GNAI1: variants seen among roughly 807,000 people sequenced by gnomAD.
GNAI1 encodes the protein G protein subunit alpha i1.
GNAI1 carries 11 observed loss-of-function variants against 38.9 expected under a neutral mutation model. That is an observed-to-expected ratio of 0.28 (90% CI 0.18 to 0.47). GNAI1 has a LOEUF of 0.47. Ranked by LOEUF, GNAI1 falls within the 20% of genes least tolerant of loss-of-function variation. The probability of loss-of-function intolerance (pLI) is 0.99; values close to 1 mark genes in which losing one functional copy is unlikely to be tolerated. For synonymous variants in GNAI1, 166 were observed against 145.1 expected (o/e 1.14, Z -1.04); for missense variants, 317 against 436.9 (o/e 0.73, Z 2.45).
At position 80,225,709 on chromosome 7, in the gene GNAI1, G is replaced by A. The variant is rs1423110681; in HGVS notation, c.*8216G>A. Among the ~76,000 whole-genome samples, 1 of 152,142 alleles carries A rather than the reference G, an allele frequency of 6.6e-6. No homozygotes were observed. The highest frequency in any genetic ancestry group is 6.5e-5 in the Admixed American group (1 of 15,270). ...TGTTTTTTGATAAAGACAGAAGATT[G>A]CAAATGGTTTGCTCTTTAACAGTCA... On this transcript the variant is annotated 3_prime_UTR_variant, in exon 8 of 8. Transcript: ENST00000649796.
intron 1 of GNAI1, among the ~76,000 whole-genome samples, chr7:80,177,473 A>G (rs965967411): frequency 6.6e-6 from 1 of 152,134 alleles, no homozygotes; most frequent in African/African-American, 2.4e-5. Flanking sequence ...GGAGAGGTAC[A>G]AGGAATTTGT....
At chr7:80,217,229 T>A in intron 7 of GNAI1, 74 bp from the exon 8 acceptor site, 2 of 1,004,986 alleles carry the variant, frequency 2.0e-6, no homozygotes, top group Non-Finnish European at 2.9e-6. Context: ...TTCATATGTA[T>A]GAAACTGAAT....
chr7:80,177,477 A>T (rs748468125), intron 1 of GNAI1, among the ~76,000 whole-genome samples: 46 of 151,994 alleles, frequency 3.0e-4, no homozygotes, highest in Admixed American at 2.0e-3. Flanking sequence ...AGGTACAAGG[A>T]ATTTGTTGTT....
intron 1 of GNAI1, among the ~76,000 whole-genome samples, chr7:80,140,835 G>A (rs1181445592): frequency 6.6e-6 from 1 of 152,158 alleles, no homozygotes; most frequent in Non-Finnish European, 1.5e-5. Flanking sequence ...TTTCCACTGG[G>A]CTAAAGTCAG....
At chr7:80,156,752 A>G (rs1284697876) in intron 1 of GNAI1, among the ~76,000 whole-genome samples, 1 of 152,176 alleles carries the variant, frequency 6.6e-6, no homozygotes, top group East Asian at 1.9e-4. Flanking sequence ...GCTTTTGAGC[A>G]TTGAAATGAA....
At chr7:80,163,551 T>C (rs1314334669) in intron 1 of GNAI1, among the ~76,000 whole-genome samples, 1 of 152,206 alleles carries the variant, frequency 6.6e-6, no homozygotes, top group African/African-American at 2.4e-5. Flanking sequence ...ACTGAGCATT[T>C]TGAGTCCAAG....
At chr7:80,203,854 G>T in intron 5 of GNAI1, 22 bp downstream of exon 5, 2 of 1,366,500 alleles carry the variant, frequency 1.5e-6, no homozygotes, top group South Asian at 1.3e-5. Flanking sequence ...TGAAATATAT[G>T]ATTTCTAAAT....
chr7:80,212,109 G>A (rs1186608576), intron 6 of GNAI1, among the ~76,000 whole-genome samples: 2 of 152,066 alleles, frequency 1.3e-5, no homozygotes, highest in Admixed American at 6.6e-5. Context: ...AGAGACGATT[G>A]TATTTTTAAA....
chr7:80,164,293 G>A (rs1292588147), intron 1 of GNAI1, among the ~76,000 whole-genome samples: 4 of 148,522 alleles, frequency 2.7e-5, no homozygotes, highest in Non-Finnish European at 4.5e-5. Flanking sequence ...CTGCCACCTC[G>A]GCCTCCCAAA....
chr7:80,208,716 T>A (rs1788821843), intron 5 of GNAI1, among the ~76,000 whole-genome samples: 1 of 152,176 alleles, frequency 6.6e-6, no homozygotes. Context: ...ATTCCTCAGT[T>A]TATCTCTTCC....
At chr7:80,205,141 A>G (rs1788751260) in intron 5 of GNAI1, among the ~76,000 whole-genome samples, 1 of 152,184 alleles carries the variant, frequency 6.6e-6, no homozygotes, top group Non-Finnish European at 1.5e-5. Context: ...GTCTGAAGTC[A>G]ATGACTAATT....
chr7:80,219,575 A>G lies in GNAI1; in HGVS notation c.*2082A>G, dbSNP rs1365235855. 6.6e-6 allele frequency among the ~76,000 whole-genome samples: 1 copy of G among 152,124 alleles called. No homozygotes were observed. Among genetic ancestry groups the G allele is most frequent in the African/African-American group, 2.4e-5 (1 of 41,438 alleles). ...CCACATTTGGAATTGCCTTCTTGATATCCCCTTCTGAGAATGCATTGCCTG... is the reference window on the plus strand; with the variant it reads ...CCACATTTGGAATTGCCTTCTTGATGTCCCCTTCTGAGAATGCATTGCCTG... On this transcript the variant is annotated 3_prime_UTR_variant, in exon 8 of 8. Transcript: ENST00000649796.
intron 4 of GNAI1, among the ~76,000 whole-genome samples, chr7:80,200,903 C>T (rs1254606659): frequency 1.3e-5 from 2 of 152,042 alleles, no homozygotes; most frequent in African/African-American, 4.8e-5. Flanking sequence ...CTGAGTTGGT[C>T]CTTGCGCTCC....
chr7:80,135,496 C>G, intron 1 of GNAI1: 1 of 408,246 alleles, frequency 2.4e-6, no homozygotes, highest in Non-Finnish European at 4.3e-6. Context: ...CGCGGCGGGG[C>G]GGGCGCGTCA....
Position 80,189,367 on chromosome 7 carries a change from G to A in GNAI1, c.303+136G>A, listed in dbSNP as rs534216400. The A allele has an allele frequency of 8.4e-6, 6 of 716,876 alleles. No homozygotes were observed. In the South Asian group the frequency reaches 1.0e-4, roughly 12 times the overall value. 44.4% of individuals were successfully genotyped at this position (716,876 alleles called of 1,614,324 possible). A position where few individuals can be genotyped will look rare whatever the true frequency, so the allele number is the denominator to read the frequency against. On this transcript the variant is annotated intron_variant, in intron 3 of 7. Coordinates refer to ENST00000649796, the MANE Select transcript of GNAI1 (RefSeq NM_002069.6). ...AGGAACCAAAAGGATAGAAGTGAGT[G>A]AAATGAGGAGCGTTAGAAGTGAGTG...
chr7:80,160,021 A>T (rs1787893687), intron 1 of GNAI1, among the ~76,000 whole-genome samples: 1 of 152,162 alleles, frequency 6.6e-6, no homozygotes, highest in Non-Finnish European at 1.5e-5. Flanking sequence ...CTATCAGTAA[A>T]TAAAGGAATC....
intron 4 of GNAI1, among the ~76,000 whole-genome samples, chr7:80,200,872 A>G (rs1017313578): frequency 6.6e-6 from 1 of 152,214 alleles, no homozygotes; most frequent in Non-Finnish European, 1.5e-5. Context: ...TATCCTATAC[A>G]AAGAAATATT....
chr7:80,190,770 G>T (rs547355029), intron 3 of GNAI1, among the ~76,000 whole-genome samples: 2 of 152,068 alleles, frequency 1.3e-5, no homozygotes, highest in South Asian at 4.2e-4. Context: ...ATGTGCTTAC[G>T]AAAGAAAAAA....
rs2115743840 is a variant in GNAI1, at chr7:80,222,486, C to T, written c.*4993C>T. Among the ~76,000 whole-genome samples the T allele has an allele frequency of 6.7e-6, 1 of 150,314 alleles. No individual in the cohort carries two copies. Among genetic ancestry groups the T allele is most frequent in the Non-Finnish European group, 1.5e-5 (1 of 67,782 alleles). On this transcript the variant is annotated 3_prime_UTR_variant, in exon 8 of 8. Coordinates refer to ENST00000649796, the MANE Select transcript of GNAI1 (RefSeq NM_002069.6). Reference sequence around the variant, plus strand: ...CACCGCAACATCCGCCTCCCGGGTACAAGCAATTCTCCTGCCTCAGGTTCC... The same window carrying T: ...CACCGCAACATCCGCCTCCCGGGTATAAGCAATTCTCCTGCCTCAGGTTCC...
Sources: allele counts gnomAD v4.1 joint callset (sites outside exome capture counted in the v4.1 genomes callset), GRCh38; gene constraint gnomAD v4.1.1; transcripts MANE v1.5; gene names NCBI Gene and HGNC (gene_info 2026-07-23, HGNC 2026-07-21).